The following XRCC4 variants were observed in gnomAD, a reference collection of about 807,000 sequenced individuals.
XRCC4 encodes the protein X-ray repair cross complementing 4, also known as DNA repair protein XRCC4.
In XRCC4, 28 loss-of-function variants were observed where a neutral mutation model predicts 39.1. The observed-to-expected ratio is 0.72, with a 90% CI of 0.53 to 0.98. The LOEUF is 0.98. XRCC4 is among the 50% of genes least tolerant of loss of function. The pLI is 0.00. For missense variants in XRCC4, 350 were observed against 376.4 expected (o/e 0.93, Z 0.58); for synonymous variants, 123 against 126.4 (o/e 0.97, Z 0.18).
intron 2 of XRCC4, among the ~76,000 whole-genome samples, chr5:83,105,519 C>G (rs1476141354): frequency 6.6e-6 from 1 of 151,998 alleles, no homozygotes; most frequent in Non-Finnish European, 1.5e-5. Flanking sequence ...GGACCAGAGT[C>G]TAAAAATTTG....
chr5:83,348,030 C>T (rs1466641696), intron 7 of XRCC4, among the ~76,000 whole-genome samples: 2 of 152,208 alleles, frequency 1.3e-5, no homozygotes, highest in African/African-American at 4.8e-5. Flanking sequence ...ACATCCAGGG[C>T]ACAGTGATGC....
chr5:83,291,306 C>T (rs976736544), intron 7 of XRCC4, among the ~76,000 whole-genome samples: 2 of 151,800 alleles, frequency 1.3e-5, no homozygotes, highest in East Asian at 3.9e-4. Flanking sequence ...GAATACTACA[C>T]TAGGTAATTA....
chr5:83,141,810 G>T (rs1419480045), intron 3 of XRCC4, among the ~76,000 whole-genome samples: 2 of 150,812 alleles, frequency 1.3e-5, no homozygotes, highest in African/African-American at 4.9e-5. Flanking sequence ...TCTGGAACAG[G>T]TAGGTCAGGT....
intron 3 of XRCC4, among the ~76,000 whole-genome samples, chr5:83,190,377 A>G (rs1282064032): frequency 6.6e-6 from 1 of 152,198 alleles, no homozygotes; most frequent in African/African-American, 2.4e-5. Flanking sequence ...TGTTTTTAGT[A>G]TACATATATC....
In XRCC4 at chr5:83,128,085, T is replaced by C. The variant is rs1747364578; in HGVS notation, c.315+16882T>C. Among the ~76,000 whole-genome samples the C allele has an allele frequency of 1.3e-5, 2 of 152,058 alleles. 1 individual carries two copies. The highest frequency in any genetic ancestry group is 1.3e-4 in the Admixed American group (2 of 15,236). On this transcript the variant is annotated intron_variant, in intron 3 of 7. Coordinates refer to ENST00000396027, the MANE Select transcript of XRCC4 (RefSeq NM_003401.5). ...CTGTGCTGCACCCATTAACTCCTCA[T>C]TTACATTAGGTATATCTCCTAATGC...
At chr5:83,322,401 T>C (rs1756105714) in intron 7 of XRCC4, among the ~76,000 whole-genome samples, 1 of 152,166 alleles carries the variant, frequency 6.6e-6, no homozygotes, top group South Asian at 2.1e-4. Context: ...GTACCTACTC[T>C]GTGCCAGGCA....
At position 83,306,818 on chromosome 5, in the gene XRCC4, C is replaced by T. The variant is rs577344169; in HGVS notation, c.894-46313C>T. On this transcript the variant is annotated intron_variant, in intron 7 of 7. Transcript: ENST00000396027. ...GCATTAGAGATGCTGGAAACTCTGA[C>T]TCATGTTTTTGTGGCTTCTTTTCCC... Among the ~76,000 whole-genome samples the T allele has an allele frequency of 6.6e-5, 10 of 152,256 alleles. No homozygotes were observed. In the East Asian group the frequency reaches 1.9e-3, roughly 29 times the overall value.
At chr5:83,374,167 T>C in the XRCC4 span, among the ~76,000 whole-genome samples, 188 of 152,278 alleles carry the variant, frequency 1.2e-3, 1 homozygote, top group African/African-American at 4.3e-3. Context: ...GAGTAGGTGA[T>C]ATGATTTGGC....
intron 3 of XRCC4, among the ~76,000 whole-genome samples, chr5:83,135,554 A>G (rs930363995): frequency 3.3e-5 from 5 of 151,708 alleles, no homozygotes; most frequent in South Asian, 2.1e-4. Flanking sequence ...TGGGGATTCC[A>G]TTTATATGTA....
At chr5:83,196,389 T>G (rs1385534091) in intron 4 of XRCC4, among the ~76,000 whole-genome samples, 1 of 152,144 alleles carries the variant, frequency 6.6e-6, no homozygotes, top group Non-Finnish European at 1.5e-5. Context: ...TCTGGATTTA[T>G]TGAAAATTCA....
rs1755201007 is a variant in XRCC4 at position 83,299,424 on chromosome 5, A to C, written c.893+40747A>C. Among the ~76,000 whole-genome samples, 6 of 152,204 alleles carry C rather than the reference A, an allele frequency of 3.9e-5. No homozygotes were observed. The South Asian group carries it at 1.2e-3, about 32-fold the overall frequency. On this transcript the variant is annotated intron_variant, in intron 7 of 7. Transcript: ENST00000396027. The stretch of plus-strand genomic sequence containing the variant: ...CTTGCAATTTGTGATTTTTGAGGTG[A>C]AGGTTTGGTGAAATTCATCAGTTCT...
At chr5:83,211,728 T>G (rs1443472316) in intron 6 of XRCC4, among the ~76,000 whole-genome samples, 1 of 152,144 alleles carries the variant, frequency 6.6e-6, no homozygotes, top group African/African-American at 2.4e-5. Flanking sequence ...GAGTAACCCA[T>G]TTGGAGCTAG....
At chr5:83,115,770 G>T (rs1348937960) in intron 3 of XRCC4, among the ~76,000 whole-genome samples, 1 of 152,216 alleles carries the variant, frequency 6.6e-6, no homozygotes, top group Non-Finnish European at 1.5e-5. Flanking sequence ...AATGCAAAAA[G>T]TGTGCTGGTT....
chr5:83,373,861 A>G, the XRCC4 span, among the ~76,000 whole-genome samples: 2 of 152,216 alleles, frequency 1.3e-5, no homozygotes, highest in Non-Finnish European at 2.9e-5. Flanking sequence ...GTCCAATGAT[A>G]TGGTTTGTAA....
At chr5:83,258,134 A>G (rs746811928) in intron 6 of XRCC4, among the ~76,000 whole-genome samples, 18 of 152,144 alleles carry the variant, frequency 1.2e-4, no homozygotes, top group Admixed American at 7.9e-4. Flanking sequence ...ACTTGTATAC[A>G]TATGTAACAA....
intron 6 of XRCC4, among the ~76,000 whole-genome samples, chr5:83,248,873 A>G (rs191993174): frequency 4.9e-4 from 74 of 152,282 alleles, no homozygotes; most frequent in South Asian, 1.7e-3. Context: ...GAAAAATCAT[A>G]AGTAACATGA....
intron 1 of XRCC4, among the ~76,000 whole-genome samples, chr5:83,102,523 T>C (rs1467448728): frequency 2.0e-5 from 3 of 152,108 alleles, no homozygotes; most frequent in Non-Finnish European, 4.4e-5. Context: ...AAGTCAGCAA[T>C]AGGGCATAGG....
intron 6 of XRCC4, among the ~76,000 whole-genome samples, chr5:83,232,638 C>A (rs370676614): frequency 6.6e-6 from 1 of 152,126 alleles, no homozygotes; most frequent in African/African-American, 2.4e-5. Context: ...TGTCCAAATT[C>A]TTCTAGATAT....
At chr5:83,134,393 T>C (rs113203668) in intron 3 of XRCC4, among the ~76,000 whole-genome samples, 3,824 of 152,252 alleles carry the variant, frequency 0.025, 68 homozygotes, top group East Asian at 0.072. Flanking sequence ...ACTCTGTGTC[T>C]AGCTAATTGG....
Sources: allele counts gnomAD v4.1 joint callset (sites outside exome capture counted in the v4.1 genomes callset), GRCh38; gene constraint gnomAD v4.1.1; transcripts MANE v1.5; gene names NCBI Gene and HGNC (gene_info 2026-07-23, HGNC 2026-07-21).